Variants in RYR2 observed in about 807,000 individuals in gnomAD.
The protein encoded by RYR2 is ryanodine receptor 2.
A neutral mutation model predicts 601.1 loss-of-function variants in RYR2; 227 were observed. That is an observed-to-expected ratio of 0.38 (90% CI 0.34 to 0.42). The LOEUF (loss-of-function observed/expected upper bound fraction) is 0.42. RYR2 is among the 10% of genes least tolerant of loss of function. The probability of loss-of-function intolerance (pLI) is 1.00; values close to 1 mark genes in which losing one functional copy is unlikely to be tolerated. For missense variants in RYR2, 4,646 were observed against 6,156.5 expected, an observed-to-expected ratio of 0.75 and a Z score of 8.21; for synonymous variants, 2,223 against 2,175.1, an observed-to-expected ratio of 1.02 and a Z score of -0.61.
intron 87 of RYR2, among the ~76,000 whole-genome samples, chr1:237,776,824 C>T (rs149132078): frequency 3.9e-5 from 6 of 152,066 alleles, no homozygotes; most frequent in South Asian, 4.1e-4. Context: ...ATCTAACGTG[C>T]GAGCCTGGCC....
Position 237,593,560 on chromosome 1 carries a change from G to A in RYR2, c.4360G>A (p.Asp1454Asn). 2 of 1,613,894 alleles carry A rather than the reference G, an allele frequency of 1.2e-6. No homozygotes were observed. The highest frequency in any genetic ancestry group is 2.2e-5 in the South Asian group (2 of 91,072). The change falls in exon 33 of 105, where the codon GAC (aspartate) becomes AAC (asparagine). Residue 1454 changes from aspartate to asparagine, a missense_variant. Around this residue, in one of 17 missense-constraint regions of RYR2, gnomAD observed 1,807 missense variants for 2,088.1 expected, o/e 0.87. Coordinates refer to ENST00000366574, the MANE Select transcript of RYR2 (RefSeq NM_001035.3). ...GATTACATCAGATTTCCATCAGTAT[G>A]ACACAGGCTTTGACTTGGACAGAGT... is the stretch of plus-strand genomic sequence containing the variant. ...GWITSDFHQY[D>N]TGFDLDRVRT...
intron 1 of RYR2, among the ~76,000 whole-genome samples, chr1:237,127,132 A>G (rs1186822142): frequency 6.6e-6 from 1 of 151,976 alleles, no homozygotes; most frequent in Non-Finnish European, 1.5e-5. Context: ...ATCCCAAGGC[A>G]GAAGAATTTT....
chr1:237,628,030 G>T lies in RYR2; in HGVS notation c.6390G>T (p.Leu2130=), dbSNP rs777550265. The T allele has an allele frequency of 1.9e-6, 3 of 1,613,922 alleles. No homozygotes were observed. In the Admixed American group the frequency reaches 5.0e-5, roughly 27 times the overall value. The change falls in exon 41 of 105, where the codon CTG becomes CTT. Residue 2130 remains leucine (L), a synonymous_variant. Transcript: ENST00000366574. ...LASLGQIRSL[L]SVRMGKEEEK... ...CCCTTGGTCAGATTCGGTCCCTGCT[G>T]AGTGTGAGAATGGGCAAAGAAGAAG...
intron 60 of RYR2, 68 bp downstream of exon 60, chr1:237,674,914 A>G (rs1428930969): frequency 4.8e-6 from 4 of 826,412 alleles, no homozygotes; most frequent in African/African-American, 1.7e-5. Flanking sequence ...ACATCAGGAT[A>G]TAGAACAACA....
intron 2 of RYR2, among the ~76,000 whole-genome samples, chr1:237,327,255 G>T (rs1011156021): frequency 3.3e-5 from 5 of 152,040 alleles, no homozygotes; most frequent in Non-Finnish European, 5.9e-5. Context: ...GAACAAAATG[G>T]GTGGCGTTTG....
chr1:237,430,549 T>C (rs1706703862), intron 12 of RYR2, among the ~76,000 whole-genome samples: 1 of 152,126 alleles, frequency 6.6e-6, no homozygotes, highest in African/African-American at 2.4e-5. Context: ...ATGGAAGCTG[T>C]ATGAGAATAT....
chr1:237,634,052 TC>T (rs1487076171), intron 43 of RYR2, among the ~76,000 whole-genome samples: 4 of 152,138 alleles, frequency 2.6e-5, no homozygotes. Flanking sequence ...TTAAGGAGAT[TC>T]CTCAAAAAAT....
At chr1:237,638,210 A>G in intron 44 of RYR2, 147 bp from the exon 45 acceptor site, 1 of 871,836 alleles carries the variant, frequency 1.1e-6, no homozygotes. Flanking sequence ...AAGGGAGTTC[A>G]AGTAGATTAT....
chr1:237,296,635 T>C (rs148757049), intron 2 of RYR2, among the ~76,000 whole-genome samples: 2 of 152,300 alleles, frequency 1.3e-5, no homozygotes, highest in African/African-American at 4.8e-5. Flanking sequence ...GATGTTAGCT[T>C]GGAGTCTAAG....
intron 25 of RYR2, among the ~76,000 whole-genome samples, chr1:237,536,399 G>A (rs1258883730): frequency 6.6e-6 from 1 of 151,720 alleles, no homozygotes; most frequent in Non-Finnish European, 1.5e-5. Flanking sequence ...GTGTAACCCC[G>A]TCTCTACTAA....
chr1:237,526,533 G>C lies in RYR2; in HGVS notation c.2823-3894G>C, dbSNP rs543145132. Among the ~76,000 whole-genome samples, 4 of 152,144 alleles carry C rather than the reference G, an allele frequency of 2.6e-5. No homozygotes were observed. The East Asian group carries it at 5.8e-4, about 22-fold the overall frequency. ...GATTAAACTTTGAATTATGTGTAGA[G>C]ACAGAGTCTCCCTATGTTACCCAGA... On this transcript the variant is annotated intron_variant, in intron 24 of 104. Coordinates refer to ENST00000366574, the MANE Select transcript of RYR2 (RefSeq NM_001035.3).
chr1:237,082,304 T>TAA (rs1665797896), intron 1 of RYR2, among the ~76,000 whole-genome samples: 6 of 142,730 alleles, frequency 4.2e-5, no homozygotes, highest in African/African-American at 1.8e-4. Context: ...GCACTAAGCA[T>TAA]GACTCTATTC....
chr1:237,463,515 T>C (rs1003779957), intron 16 of RYR2, among the ~76,000 whole-genome samples: 1 of 152,102 alleles, frequency 6.6e-6, no homozygotes, highest in Non-Finnish European at 1.5e-5. Context: ...ATTCCACTTA[T>C]AAGAAGTATC....
intron 25 of RYR2, among the ~76,000 whole-genome samples, chr1:237,532,923 C>G (rs796780171): frequency 7.9e-5 from 12 of 152,254 alleles, no homozygotes; most frequent in Admixed American, 2.0e-4. Context: ...TGGGTTAATA[C>G]ATGTCCCCAT....
intron 3 of RYR2, among the ~76,000 whole-genome samples, chr1:237,347,335 CAG>C (rs1004077310): frequency 1.3e-5 from 2 of 151,986 alleles, no homozygotes; most frequent in Non-Finnish European, 1.5e-5. Context: ...ACAGAAAAAA[CAG>C]AGAGGGAAAA....
chr1:237,497,975 C>G (rs1233057428), intron 20 of RYR2, among the ~76,000 whole-genome samples: 3 of 151,948 alleles, frequency 2.0e-5, no homozygotes, highest in Non-Finnish European at 4.4e-5. Context: ...GATTCTCATG[C>G]CTCAGCCTCC....
At chr1:237,368,804 T>TTTA (rs1359255594) in intron 5 of RYR2, among the ~76,000 whole-genome samples, 2 of 138,730 alleles carry the variant, frequency 1.4e-5, no homozygotes, top group Non-Finnish European at 3.1e-5. Context: ...TCAACGTTTA[T>TTTA]TTATTTATTT....
intron 54 of RYR2, among the ~76,000 whole-genome samples, chr1:237,658,264 TTATAAA>T (rs1683440322): frequency 6.6e-6 from 1 of 151,840 alleles, no homozygotes; most frequent in Non-Finnish European, 1.5e-5. Context: ...ATTCATTAAA[TTATAAA>T]TATAGTTTCT....
At chr1:237,829,679 A>G (rs1663558879) in intron 102 of RYR2, among the ~76,000 whole-genome samples, 2 of 152,232 alleles carry the variant, frequency 1.3e-5, no homozygotes, top group East Asian at 3.8e-4. Context: ...TAAGGCAGGA[A>G]GAATTTTATA....
Sources: allele counts gnomAD v4.1 joint callset (sites outside exome capture counted in the v4.1 genomes callset), GRCh38; gene constraint gnomAD v4.1.1; regional missense constraint gnomAD v4.1.1; transcripts MANE v1.5; gene names NCBI Gene and HGNC (gene_info 2026-07-23, HGNC 2026-07-21).